RASSF9: variants seen among roughly 807,000 people sequenced by gnomAD.
The protein encoded by RASSF9 is ras association domain-containing protein 9.
A neutral mutation model predicts 21.4 loss-of-function variants in RASSF9; 18 were observed. The observed-to-expected ratio is 0.84, with a 90% CI of 0.58 to 1.25. RASSF9 has a LOEUF of 1.25. Ranked by LOEUF, RASSF9 falls within the 50% of genes most tolerant of loss-of-function variation. The pLI is 0.00. For synonymous variants in RASSF9, 183 were observed against 179.1 expected (o/e 1.02, Z -0.18); for missense variants, 480 against 503.2 (o/e 0.95, Z 0.44).
rs182093149 is a variant in RASSF9, at chr12:85,805,469, C to G, written c.541G>C (p.Asp181His). The G allele has an allele frequency of 1.9e-6, 3 of 1,613,828 alleles. No homozygotes were observed. In the African/African-American group the frequency reaches 4.0e-5, roughly 22 times the overall value. ...IKQDTVSHDR[D>H]NMETLVHLII... ...AGATGAACTAATGTCTCCATATTAT[C>G]TCGATCATGAGAAACTGTGTCCTGC... Residue 181 changes from aspartate to histidine, a missense_variant, in exon 2 of 2, where the codon GAT (aspartate) becomes CAT (histidine). Physicochemically the swap from Asp to His is moderately conservative, Grantham distance 81. Transcript: ENST00000361228.
intron 1 of RASSF9, among the ~76,000 whole-genome samples, chr12:85,813,709 A>G (rs1300129895): frequency 1.3e-5 from 2 of 151,904 alleles, no homozygotes; most frequent in Admixed American, 1.3e-4. Flanking sequence ...GAAATTTTAT[A>G]TATAAAACTT....
intron 1 of RASSF9, among the ~76,000 whole-genome samples, chr12:85,835,892 A>T (rs1170040310): frequency 6.6e-6 from 1 of 152,182 alleles, no homozygotes; most frequent in Non-Finnish European, 1.5e-5. Flanking sequence ...AAGGGGAGAA[A>T]GGAGTCAAAT....
intron 1 of RASSF9, among the ~76,000 whole-genome samples, chr12:85,813,258 ACTT>A (rs1879989120): frequency 6.6e-6 from 1 of 151,902 alleles, no homozygotes; most frequent in African/African-American, 2.4e-5. Context: ...TGAATATGAA[ACTT>A]TTTACATTGA....
intron 1 of RASSF9, among the ~76,000 whole-genome samples, chr12:85,816,970 A>G (rs1880083223): frequency 6.6e-6 from 1 of 152,136 alleles, no homozygotes; most frequent in Non-Finnish European, 1.5e-5. Context: ...AAAGATGCCA[A>G]GTTCGGAAAT....
chr12:85,833,477 C>A lies in RASSF9; in HGVS notation c.47+2678G>T, dbSNP rs562523040. On this transcript the variant is annotated intron_variant, in intron 1 of 1. Coordinates refer to ENST00000361228, the MANE Select transcript of RASSF9 (RefSeq NM_005447.4). Reference sequence around the variant, plus strand: ...CATACTTTGAAGTTTTAATTGCATCCTGTCTGTCTCTAAAACTCTCAACTA... The same window carrying A: ...CATACTTTGAAGTTTTAATTGCATCATGTCTGTCTCTAAAACTCTCAACTA... Among the ~76,000 whole-genome samples, 13 of 151,910 alleles carry A rather than the reference C, an allele frequency of 8.6e-5. No individual in the cohort carries two copies. In the East Asian group the frequency reaches 2.5e-3, roughly 29 times the overall value.
chr12:85,810,405 T>C (rs900151624), intron 1 of RASSF9, among the ~76,000 whole-genome samples: 2 of 151,954 alleles, frequency 1.3e-5, no homozygotes, highest in Non-Finnish European at 2.9e-5. Context: ...TAGCGCTAAA[T>C]TCCTTATTAC....
chr12:85,814,025 T>G (rs1275273510), intron 1 of RASSF9, among the ~76,000 whole-genome samples: 1 of 151,956 alleles, frequency 6.6e-6, no homozygotes. Context: ...GAACAAGACT[T>G]CGTGCTTGAA....
intron 1 of RASSF9, among the ~76,000 whole-genome samples, chr12:85,830,535 C>G (rs1340613125): frequency 2.6e-5 from 4 of 151,932 alleles, no homozygotes; most frequent in African/African-American, 9.7e-5. Context: ...AAGCAAGGTC[C>G]CTGCTCTGAT....
At chr12:85,833,998 G>C (rs560327078) in intron 1 of RASSF9, among the ~76,000 whole-genome samples, 2 of 152,040 alleles carry the variant, frequency 1.3e-5, no homozygotes, top group African/African-American at 4.8e-5. Context: ...ACTTAATCTT[G>C]CAAATAATTT....
intron 1 of RASSF9, among the ~76,000 whole-genome samples, chr12:85,830,258 C>A (rs576314836): frequency 6.6e-6 from 1 of 152,056 alleles, no homozygotes; most frequent in Non-Finnish European, 1.5e-5. Flanking sequence ...ATTTGTTTTT[C>A]TACCAAAAGT....
Position 85,801,447 on chromosome 12 carries a change from A to G in RASSF9, c.*3255T>C, listed in dbSNP as rs1181393731. On this transcript the variant is annotated 3_prime_UTR_variant, in exon 2 of 2. Transcript: ENST00000361228. Reference sequence around the variant, plus strand: ...CTCTAAAATTTAGCCACTCAATTCAAAAAGGGAGCAGGGGGCAAAGAAGTT... The same window carrying G: ...CTCTAAAATTTAGCCACTCAATTCAGAAAGGGAGCAGGGGGCAAAGAAGTT... 3.3e-5 allele frequency: 5 copies of G among 152,344 alleles called. No homozygotes were observed. The East Asian group carries it at 9.6e-4, about 29-fold the overall frequency. 9.4% of individuals were successfully genotyped at this position (152,344 alleles called of 1,614,324 possible).
rs115203403 is a variant in RASSF9, at chr12:85,816,523, T to G, written c.48-10561A>C. ...TTCCCTTCAAAATTTCAGTTAAATATCAGTACACTTATAATAATATAATCC... is the reference window on the plus strand; with the variant it reads ...TTCCCTTCAAAATTTCAGTTAAATAGCAGTACACTTATAATAATATAATCC... On this transcript the variant is annotated intron_variant, in intron 1 of 1. Coordinates refer to ENST00000361228, the MANE Select transcript of RASSF9 (RefSeq NM_005447.4). Among the ~76,000 whole-genome samples the G allele has an allele frequency of 7.5e-3, 1,134 of 152,210 alleles. 14 individuals are homozygous for G. Among genetic ancestry groups the G allele is most frequent in the African/African-American group, 0.026 (1,087 of 41,532 alleles).
chr12:85,804,592 A>G lies in RASSF9; in HGVS notation c.*110T>C. The stretch of plus-strand genomic sequence containing the variant: ...TTCTCGAGTTTTTATTAACTATTGA[A>G]TACTACAATATGATTTACATTTTTT... On this transcript the variant is annotated 3_prime_UTR_variant, in exon 2 of 2. Coordinates refer to ENST00000361228, the MANE Select transcript of RASSF9 (RefSeq NM_005447.4). 2 of 1,119,496 alleles carry G rather than the reference A, an allele frequency of 1.8e-6. No homozygotes were observed. Among genetic ancestry groups the G allele is most frequent in the Non-Finnish European group, 2.4e-6 (2 of 818,760 alleles). The allele number at this position is 1,119,496 out of a possible 1,614,324, so 69.3% of individuals were successfully genotyped here. A position where few individuals can be genotyped will look rare whatever the true frequency, so the allele number is the denominator to read the frequency against.
chr12:85,825,296 C>A (rs1880307938), intron 1 of RASSF9, among the ~76,000 whole-genome samples: 1 of 152,088 alleles, frequency 6.6e-6, no homozygotes, highest in Non-Finnish European at 1.5e-5. Context: ...CCAGTCAAGT[C>A]CTGGGCTAAG....
chr12:85,830,011 A>C (rs1880414858), intron 1 of RASSF9, among the ~76,000 whole-genome samples: 1 of 152,156 alleles, frequency 6.6e-6, no homozygotes, highest in Non-Finnish European at 1.5e-5. Context: ...TACTAAACAC[A>C]GTTTACCCAT....
At chr12:85,828,815 A>G (rs1880390397) in intron 1 of RASSF9, among the ~76,000 whole-genome samples, 1 of 152,112 alleles carries the variant, frequency 6.6e-6, no homozygotes, top group Admixed American at 6.6e-5. Flanking sequence ...GAAACCTCAA[A>G]ATTCTACTAT....
Position 85,804,699 on chromosome 12 carries a change from G to C in RASSF9, c.*3C>G. 1 of 1,578,840 alleles carries C rather than the reference G, an allele frequency of 6.3e-7. No homozygotes were observed. Among genetic ancestry groups the C allele is most frequent in the Non-Finnish European group, 8.6e-7 (1 of 1,157,436 alleles). ...AAAGCAGGTCAGAAAGGAGCCATTG[G>C]AACTATGTTGACAACAGCACCACAT... On this transcript the variant is annotated 3_prime_UTR_variant, in exon 2 of 2. Coordinates refer to ENST00000361228, the MANE Select transcript of RASSF9 (RefSeq NM_005447.4).
chr12:85,836,247 AG>A lies in RASSF9; in HGVS notation c.-47del. 4.0e-6 allele frequency: 1 copy of A among 253,064 alleles called. No homozygotes were observed. The highest frequency in any genetic ancestry group is 1.2e-4 in the African/African-American group (1 of 8,622). 15.7% of individuals were successfully genotyped at this position (253,064 alleles called of 1,614,324 possible). A position where few individuals can be genotyped will look rare whatever the true frequency, so the allele number is the denominator to read the frequency against. ...AAAGAAATTATCTTAAAGTGATCTG[AG>A]GGTGGGGGTGGGGGTGTCTGGATTT... On this transcript the variant is annotated 5_prime_UTR_variant, in exon 1 of 2. Coordinates refer to ENST00000361228, the MANE Select transcript of RASSF9 (RefSeq NM_005447.4).
chr12:85,831,557 A>G (rs774466368), intron 1 of RASSF9, among the ~76,000 whole-genome samples: 3 of 151,954 alleles, frequency 2.0e-5, no homozygotes, highest in Non-Finnish European at 4.4e-5. Context: ...TCCACTGCCA[A>G]CTAATAACTA....
Sources: allele counts gnomAD v4.1 joint callset (sites outside exome capture counted in the v4.1 genomes callset), GRCh38; gene constraint gnomAD v4.1.1; transcripts MANE v1.5; gene names NCBI Gene and HGNC (gene_info 2026-07-23, HGNC 2026-07-21).